The following ERN1 variants were observed in gnomAD, a reference collection of about 807,000 sequenced individuals.
ERN1 encodes the protein serine/threonine-protein kinase/endoribonuclease IRE1.
Under a neutral mutation model 113.1 loss-of-function variants are expected in ERN1, and 39 were observed. The observed-to-expected ratio is 0.34, with a 90% CI of 0.27 to 0.45. The LOEUF (loss-of-function observed/expected upper bound fraction) is 0.45, where lower values mean the gene tolerates loss of function less well. Ranked by LOEUF, ERN1 falls within the 20% of genes least tolerant of loss-of-function variation. ERN1 has a pLI of 1.00. For missense variants in ERN1, 976 were observed against 1,274.8 expected (o/e 0.77, Z 3.57); for synonymous variants, 507 against 515.9 (o/e 0.98, Z 0.23).
intron 5 of ERN1, among the ~76,000 whole-genome samples, chr17:64,073,791 T>C (rs1297796046): frequency 1.3e-5 from 2 of 152,228 alleles, no homozygotes; most frequent in Non-Finnish European, 2.9e-5. Flanking sequence ...GCACCTGGCC[T>C]ACACCTGGCT....
intron 13 of ERN1, among the ~76,000 whole-genome samples, chr17:64,055,057 C>T (rs946589668): frequency 1.4e-4 from 21 of 152,180 alleles, no homozygotes; most frequent in African/African-American, 3.6e-4. Context: ...CCTTATTGTG[C>T]GATTGCATAT....
intron 1 of ERN1, among the ~76,000 whole-genome samples, chr17:64,099,512 T>C (rs1914323400): frequency 6.6e-6 from 1 of 152,072 alleles, no homozygotes; most frequent in South Asian, 2.1e-4. Context: ...AAATAGCTTT[T>C]TCCCCAGGTC....
At chr17:64,120,328 C>A (rs78871848) in intron 1 of ERN1, among the ~76,000 whole-genome samples, 2,734 of 152,308 alleles carry the variant, frequency 0.018, 80 homozygotes, top group African/African-American at 0.063. Context: ...GGTCAACAAA[C>A]TTCTCTGACT....
chr17:64,055,034 G>A (rs1912814082), intron 13 of ERN1, among the ~76,000 whole-genome samples: 1 of 152,190 alleles, frequency 6.6e-6, no homozygotes, highest in East Asian at 1.9e-4. Flanking sequence ...CCTGCATTCT[G>A]TCTCCGCCTT....
intron 7 of ERN1, 44 bp downstream of exon 7, chr17:64,068,146 A>G (rs1414104159): frequency 7.0e-7 from 1 of 1,418,976 alleles, no homozygotes; most frequent in Non-Finnish European, 9.8e-7. Context: ...ACATAGGTCA[A>G]AAGTACTGGC....
chr17:64,070,346 A>T (rs185318883), intron 6 of ERN1, among the ~76,000 whole-genome samples: 106 of 152,290 alleles, frequency 7.0e-4, no homozygotes, highest in Middle Eastern at 6.8e-3. Context: ...GCAATAGATA[A>T]TGGAGGCAAT....
At chr17:64,100,637 G>A (rs1433161085) in intron 1 of ERN1, among the ~76,000 whole-genome samples, 2 of 152,098 alleles carry the variant, frequency 1.3e-5, no homozygotes, top group South Asian at 4.1e-4. Flanking sequence ...CAGGCATGGT[G>A]GCATGTGCCT....
At chr17:64,101,505 T>G (rs902858206) in intron 1 of ERN1, among the ~76,000 whole-genome samples, 1 of 152,200 alleles carries the variant, frequency 6.6e-6, no homozygotes, top group Non-Finnish European at 1.5e-5. Flanking sequence ...TTTGCTAATC[T>G]GTAGATTAGC....
chr17:64,075,194 T>C lies in ERN1; in HGVS notation c.336A>G (p.Ser112=). 6.5e-7 allele frequency: 1 copy of C among 1,535,706 alleles called. No individual in the cohort carries two copies. Among genetic ancestry groups the C allele is most frequent in the Non-Finnish European group, 8.8e-7 (1 of 1,141,034 alleles). ...TCTTACCCATGTAGAGGATTCCATC[T>C]GAACTTCGGCATGGGGATGCCTGCA... The part of the protein sequence containing the change: ...ELVQASPCRS[S]DGILYMGKKQ... The change falls in exon 5 of 22, where the codon TCA becomes TCG. Residue 112 remains serine, a synonymous_variant. Transcript: ENST00000433197.
At chr17:64,117,557 AG>A (rs542406778) in intron 1 of ERN1, among the ~76,000 whole-genome samples, 94 of 152,334 alleles carry the variant, frequency 6.2e-4, no homozygotes, top group African/African-American at 2.2e-3. Context: ...GACATACCTG[AG>A]GACTATCAAC....
chr17:64,084,608 T>C (rs554692044), intron 2 of ERN1, among the ~76,000 whole-genome samples: 1 of 152,356 alleles, frequency 6.6e-6, no homozygotes, highest in South Asian at 2.1e-4. Context: ...TATAAGTCAA[T>C]GCCTTGACAC....
At chr17:64,081,420 G>A (rs1357186841) in intron 2 of ERN1, among the ~76,000 whole-genome samples, 3 of 152,132 alleles carry the variant, frequency 2.0e-5, no homozygotes, top group African/African-American at 4.8e-5. Context: ...AGATGTGTAC[G>A]TAGCAGCATT....
rs962244180 is a variant in ERN1, at chr17:64,043,140, C to T, written c.*848G>A. On this transcript the variant is annotated 3_prime_UTR_variant, in exon 22 of 22. Transcript: ENST00000433197. ...TCCCATTCGGCGGCCTCCCTCTGGT[C>T]CTGAAGGCTGGCCCCTGTCTGGGTC... 1.3e-5 allele frequency: 2 copies of T among 152,408 alleles called. No homozygotes were observed. Among genetic ancestry groups the T allele is most frequent in the African/African-American group, 4.8e-5 (2 of 41,442 alleles). 9.4% of individuals were successfully genotyped at this position (152,408 alleles called of 1,614,324 possible). A position where few individuals can be genotyped will look rare whatever the true frequency, so the allele number is the denominator to read the frequency against.
intron 6 of ERN1, 95 bp from the exon 7 acceptor site, chr17:64,068,386 C>A: frequency 2.2e-6 from 2 of 903,772 alleles, no homozygotes; most frequent in South Asian, 1.5e-5. Flanking sequence ...CAAATCCTCC[C>A]TAAACTGTAG....
intron 12 of ERN1, 132 bp downstream of exon 12, chr17:64,057,670 C>A: frequency 2.2e-6 from 2 of 923,484 alleles, no homozygotes; most frequent in Non-Finnish European, 3.4e-6. Flanking sequence ...GCCCGCCCGG[C>A]CAACAAACAC....
chr17:64,077,258 G>C (rs2143402732), intron 4 of ERN1, among the ~76,000 whole-genome samples: 1 of 152,266 alleles, frequency 6.6e-6, no homozygotes, highest in East Asian at 1.9e-4. Flanking sequence ...TCTCATCCTT[G>C]GTTGCCCATG....
At chr17:64,085,997 C>G (rs1395443866) in intron 2 of ERN1, among the ~76,000 whole-genome samples, 1 of 152,214 alleles carries the variant, frequency 6.6e-6, no homozygotes, top group Non-Finnish European at 1.5e-5. Context: ...CCCAGCTCCA[C>G]CCTTCCCTTC....
chr17:64,118,328 G>A (rs907131180), intron 1 of ERN1, among the ~76,000 whole-genome samples: 1 of 152,160 alleles, frequency 6.6e-6, no homozygotes, highest in African/African-American at 2.4e-5. Flanking sequence ...ATCATATGGG[G>A]CAAACACACA....
At position 64,087,498 on chromosome 17, in the gene ERN1, A is replaced by G. The variant is rs940721261; in HGVS notation, c.176-6690T>C. Among the ~76,000 whole-genome samples the G allele has an allele frequency of 5.3e-5, 8 of 152,280 alleles. No homozygotes were observed. In the East Asian group the frequency reaches 5.8e-4, roughly 11 times the overall value. ...CAGTCACACAACCTAGAAACTCAGG[A>G]AGTCCCCAAACCAGTCCCTTTTAAG... On this transcript the variant is annotated intron_variant, in intron 2 of 21. Coordinates refer to ENST00000433197, the MANE Select transcript of ERN1 (RefSeq NM_001433.5).
Sources: gnomAD v4.1 joint callset for allele counts (sites outside exome capture counted in the v4.1 genomes callset) on GRCh38, gnomAD v4.1.1 for gene constraint, MANE v1.5 for transcripts, NCBI Gene and HGNC (gene_info 2026-07-23, HGNC 2026-07-21) for gene names.